Variants in SCNN1G observed in about 807,000 individuals in gnomAD.
The protein encoded by SCNN1G is sodium channel epithelial 1 subunit gamma, also known as epithelial sodium channel subunit gamma.
Under a neutral mutation model 64.6 loss-of-function variants are expected in SCNN1G, and 27 were observed. That is an observed-to-expected ratio of 0.42 (90% CI 0.31 to 0.58). The LOEUF (loss-of-function observed/expected upper bound fraction) is 0.58, where lower values mean the gene tolerates loss of function less well. Among genes scored for constraint, SCNN1G ranks in the 20% least tolerant of loss-of-function variants. The pLI, the probability that SCNN1G is intolerant of heterozygous loss-of-function variation, is 0.18. For missense variants in SCNN1G, 743 were observed against 823.4 expected (o/e 0.90, Z 1.19); for synonymous variants, 330 against 314.2 (o/e 1.05, Z -0.53).
intron 1 of SCNN1G, among the ~76,000 whole-genome samples, chr16:23,183,158 TC>T (rs1959549325): frequency 6.6e-6 from 1 of 152,336 alleles, no homozygotes; most frequent in African/African-American, 2.4e-5. Context: ...CCGCTACTGT[TC>T]CTTCTACCCT....
At chr16:23,197,722 T>C (rs144047502) in intron 6 of SCNN1G, among the ~76,000 whole-genome samples, 29 of 152,080 alleles carry the variant, frequency 1.9e-4, no homozygotes, top group African/African-American at 6.3e-4. Context: ...CTACTAAAAA[T>C]ACAAAAAATT....
Position 23,186,579 on chromosome 16 carries a change from A to G in SCNN1G, c.308A>G (p.Asn103Ser), listed in dbSNP as rs778449018. ...CCTGCAGTCACCATCTGCAACATCA[A>G]CCCCTACAAGTAAGAGGCATGAGCA... is the stretch of plus-strand genomic sequence containing the variant. ...DFPAVTICNI[N>S]PYKYSTVRHL... Residue 103 changes from asparagine to serine, a missense_variant, in exon 2 of 13, where the codon AAC (asparagine) becomes AGC (serine). Physicochemically the swap from Asn to Ser is conservative, Grantham distance 46. Coordinates refer to ENST00000300061, the MANE Select transcript of SCNN1G (RefSeq NM_001039.4). The G allele has an allele frequency of 3.0e-5, 49 of 1,611,800 alleles. No homozygotes were observed. The highest frequency in any genetic ancestry group is 8.3e-5 in the Admixed American group (5 of 59,934).
chr16:23,190,107 A>G (rs1209025366), intron 3 of SCNN1G, among the ~76,000 whole-genome samples: 1 of 151,650 alleles, frequency 6.6e-6, no homozygotes, highest in Non-Finnish European at 1.5e-5. Flanking sequence ...ACGGAGGGAG[A>G]GCATTAGGAC....
chr16:23,189,205 T>C (rs1173947586), intron 2 of SCNN1G, among the ~76,000 whole-genome samples, 166 bp from the exon 3 acceptor site: 1 of 152,004 alleles, frequency 6.6e-6, no homozygotes, highest in Admixed American at 6.5e-5. Context: ...GAGCCAGGGG[T>C]CACTTTGGAT....
intron 6 of SCNN1G, among the ~76,000 whole-genome samples, chr16:23,199,706 C>CT (rs1156363601): frequency 9.6e-6 from 1 of 104,524 alleles, no homozygotes; most frequent in African/African-American, 3.7e-5. Flanking sequence ...GAGTGTCACT[C>CT]TGTCACCCAG....
At chr16:23,213,812 C>T (rs532059985) in intron 11 of SCNN1G, among the ~76,000 whole-genome samples, 28 of 152,198 alleles carry the variant, frequency 1.8e-4, no homozygotes, top group Non-Finnish European at 3.1e-4. Flanking sequence ...CTCTGTCCCC[C>T]GAGGTACTTA....
intron 8 of SCNN1G, 117 bp from the exon 9 acceptor site, chr16:23,212,561 A>G (rs903909718): frequency 5.0e-5 from 41 of 815,836 alleles, no homozygotes; most frequent in Non-Finnish European, 7.4e-5. Context: ...GAGTTGGTAG[A>G]AAGTGGGAGG....
intron 2 of SCNN1G, among the ~76,000 whole-genome samples, chr16:23,187,561 A>G (rs1338976534): frequency 6.6e-6 from 1 of 152,060 alleles, no homozygotes; most frequent in African/African-American, 2.4e-5. Flanking sequence ...CTGCATCTGC[A>G]CCCCTGGCTC....
chr16:23,200,482 T>C lies in SCNN1G; in HGVS notation c.1077+3055T>C, dbSNP rs79573621. Among the ~76,000 whole-genome samples the C allele has an allele frequency of 7.3e-4, 111 of 152,322 alleles. 4 individuals carry two copies. In the East Asian group the frequency reaches 0.018, roughly 24 times the overall value. ...ACAAAGTTCTAGCTATAGCTTTGCA[T>C]TGGGTTACATAAAAAGATGGTGGGC... On this transcript the variant is annotated intron_variant, in intron 6 of 12. Coordinates refer to ENST00000300061, the MANE Select transcript of SCNN1G (RefSeq NM_001039.4).
At chr16:23,186,837 G>A (rs903122415) in intron 2 of SCNN1G, among the ~76,000 whole-genome samples, 3 of 152,074 alleles carry the variant, frequency 2.0e-5, no homozygotes, top group South Asian at 2.1e-4. Flanking sequence ...TTGAGATGGA[G>A]TTTCGCTCTT....
chr16:23,210,211 T>C (rs1303643395), intron 7 of SCNN1G, among the ~76,000 whole-genome samples: 1 of 152,164 alleles, frequency 6.6e-6, no homozygotes, highest in East Asian at 1.9e-4. Flanking sequence ...ATGATGGCCT[T>C]GGGCCAGCTG....
intron 6 of SCNN1G, among the ~76,000 whole-genome samples, chr16:23,204,328 TATATATAGAG>T (rs1234215557): frequency 1.8e-3 from 82 of 44,988 alleles, no homozygotes; most frequent in Non-Finnish European, 2.4e-3. Flanking sequence ...TATATATATA[TATATATAGAG>T]AGAGAGAGAG....
intron 6 of SCNN1G, among the ~76,000 whole-genome samples, chr16:23,206,547 C>T (rs1959994209): frequency 6.6e-6 from 1 of 152,062 alleles, no homozygotes; most frequent in South Asian, 2.1e-4. Context: ...CCCAGGAGGT[C>T]AAGGCTGCCA....
intron 6 of SCNN1G, among the ~76,000 whole-genome samples, chr16:23,207,070 C>T (rs1324603160): frequency 1.3e-5 from 2 of 152,292 alleles, no homozygotes; most frequent in Middle Eastern, 3.4e-3. Flanking sequence ...CAACCTGAAC[C>T]TTTCAAGAGC....
Position 23,212,822 on chromosome 16 carries a change from C to T in SCNN1G, c.1374-15C>T, listed in dbSNP as rs1960102243. ...GTTGGGCTGCCTACACTCATGCTGT[C>T]CCCTCCTCCCTTAGCTTTAAAGAGT... On this transcript the variant is annotated splice_polypyrimidine_tract_variant and intron_variant, in intron 9 of 12. Coordinates refer to ENST00000300061, the MANE Select transcript of SCNN1G (RefSeq NM_001039.4). 5 of 1,614,098 alleles carry T rather than the reference C, an allele frequency of 3.1e-6. No homozygotes were observed. Among genetic ancestry groups the T allele is most frequent in the Non-Finnish European group, 4.2e-6 (5 of 1,179,938 alleles).
chr16:23,184,178 A>T (rs1006414634), intron 1 of SCNN1G, among the ~76,000 whole-genome samples: 4 of 146,026 alleles, frequency 2.7e-5, no homozygotes, highest in African/African-American at 9.8e-5. Flanking sequence ...GAGCAAGATC[A>T]GTTCCCTTCC....
chr16:23,193,966 G>T (rs113153645), intron 4 of SCNN1G, among the ~76,000 whole-genome samples: 1,401 of 116,752 alleles, frequency 0.012, 22 homozygotes, highest in African/African-American at 0.048. Flanking sequence ...AAAACAGAAG[G>T]CAGAGAGTCT....
At chr16:23,195,040 G>A (rs1200869857) in intron 5 of SCNN1G, 1 of 152,212 alleles carries the variant, frequency 6.6e-6, no homozygotes, top group East Asian at 1.9e-4. Context: ...TGTCAACAGA[G>A]AGAGGCCTGT....
At chr16:23,213,306 G>A in intron 11 of SCNN1G, 143 bp downstream of exon 11, 1 of 668,622 alleles carries the variant, frequency 1.5e-6, no homozygotes, top group Non-Finnish European at 2.6e-6. Context: ...AGGCTGGAGT[G>A]CAGTGGTGTG....
Sources: allele counts gnomAD v4.1 joint callset (sites outside exome capture counted in the v4.1 genomes callset), GRCh38; gene constraint gnomAD v4.1.1; transcripts MANE v1.5; gene names NCBI Gene and HGNC (gene_info 2026-07-23, HGNC 2026-07-21).